Variants in RASAL2 observed in about 807,000 individuals in gnomAD.
RASAL2 encodes the protein ras GTPase-activating protein nGAP.
A neutral mutation model predicts 128.9 loss-of-function variants in RASAL2; 58 were observed. That is an observed-to-expected ratio of 0.45 (90% CI 0.36 to 0.56). The LOEUF (loss-of-function observed/expected upper bound fraction) is 0.56, where lower values mean the gene tolerates loss of function less well. Ranked by LOEUF, RASAL2 falls within the 20% of genes least tolerant of loss-of-function variation. The probability of loss-of-function intolerance (pLI) is 0.00; values close to 1 mark genes in which losing one functional copy is unlikely to be tolerated. For synonymous variants in RASAL2, 561 were observed against 580.8 expected (o/e 0.97, Z 0.49); for missense variants, 1,360 against 1,601.6 (o/e 0.85, Z 2.57).
intron 3 of RASAL2, among the ~76,000 whole-genome samples, chr1:178,377,320 A>G (rs1210654602): frequency 1.3e-5 from 2 of 152,158 alleles, no homozygotes; most frequent in African/African-American, 4.8e-5. Flanking sequence ...CAAAAATAAT[A>G]TAGAGACAAT....
chr1:178,207,525 A>T (rs1388382868), intron 1 of RASAL2, among the ~76,000 whole-genome samples: 1 of 152,200 alleles, frequency 6.6e-6, no homozygotes, highest in Non-Finnish European at 1.5e-5. Context: ...GAGCATCCTC[A>T]TATTTTGGTA....
intron 8 of RASAL2, among the ~76,000 whole-genome samples, chr1:178,445,142 GAAAA>G (rs59313065): frequency 7.9e-6 from 1 of 126,226 alleles, no homozygotes. Context: ...ACAGTATTTG[GAAAA>G]AAAAAAAAAA....
chr1:178,472,049 T>C (rs1281789789), intron 17 of RASAL2, among the ~76,000 whole-genome samples: 1 of 152,226 alleles, frequency 6.6e-6, no homozygotes, highest in African/African-American at 2.4e-5. Flanking sequence ...GTTTCCTGCG[T>C]TGTTTTCTGA....
intron 3 of RASAL2, among the ~76,000 whole-genome samples, chr1:178,365,151 A>T (rs1258786164): frequency 6.6e-6 from 1 of 152,098 alleles, no homozygotes; most frequent in Non-Finnish European, 1.5e-5. Flanking sequence ...TATGATGGGA[A>T]TACTTCTGAT....
At chr1:178,174,393 G>A (rs1457063628) in intron 1 of RASAL2, among the ~76,000 whole-genome samples, 2 of 151,894 alleles carry the variant, frequency 1.3e-5, no homozygotes, top group African/African-American at 4.8e-5. Flanking sequence ...TGGTAATACG[G>A]TTTCCACTCT....
intron 3 of RASAL2, among the ~76,000 whole-genome samples, chr1:178,331,302 G>T (rs928101560): frequency 6.6e-6 from 1 of 152,216 alleles, no homozygotes; most frequent in Admixed American, 6.5e-5. Context: ...CTCCTGAGTA[G>T]CTGGGAGCAC....
intron 3 of RASAL2, chr1:178,372,217 A>G (rs746024554): frequency 4.5e-5 from 44 of 985,112 alleles, no homozygotes; most frequent in South Asian, 9.4e-5. Context: ...TGTGCTCTGT[A>G]TGGAAAAGTT....
intron 1 of RASAL2, among the ~76,000 whole-genome samples, chr1:178,176,775 AGCT>A (rs1470271126): frequency 1.3e-5 from 2 of 152,038 alleles, no homozygotes; most frequent in African/African-American, 4.8e-5. Flanking sequence ...CCTCCTGAGT[AGCT>A]GAGACTACAG....
chr1:178,303,392 C>T (rs1667855083), intron 3 of RASAL2, among the ~76,000 whole-genome samples: 1 of 151,762 alleles, frequency 6.6e-6, no homozygotes, highest in African/African-American at 2.4e-5. Flanking sequence ...CTTTCCTGGG[C>T]CACATCAGAA....
At chr1:178,160,181 A>T (rs1315006315) in intron 1 of RASAL2, among the ~76,000 whole-genome samples, 1 of 152,056 alleles carries the variant, frequency 6.6e-6, no homozygotes, top group Non-Finnish European at 1.5e-5. Flanking sequence ...CAATAGAACT[A>T]GTACAAAAGA....
In RASAL2 at chr1:178,473,481, A is replaced by G; in HGVS notation, c.*242A>G. ...CTTAGTTCTGGGCCATGTACAGAAA[A>G]TATCACTGTAATATACCAAAAGGAA... On this transcript the variant is annotated 3_prime_UTR_variant, in exon 18 of 18. Transcript: ENST00000367649. 1.8e-6 allele frequency: 1 copy of G among 544,816 alleles called. No individual in the cohort carries two copies. Among genetic ancestry groups the G allele is most frequent in the Non-Finnish European group, 3.2e-6 (1 of 308,380 alleles). 33.7% of individuals were successfully genotyped at this position (544,816 alleles called of 1,614,324 possible).
At chr1:178,246,741 A>G (rs1664782977) in intron 1 of RASAL2, among the ~76,000 whole-genome samples, 1 of 152,170 alleles carries the variant, frequency 6.6e-6, no homozygotes, top group Non-Finnish European at 1.5e-5. Context: ...GATATGTTCC[A>G]TCAATACCTA....
intron 1 of RASAL2, among the ~76,000 whole-genome samples, chr1:178,192,283 A>G (rs1470168228): frequency 1.3e-5 from 2 of 152,212 alleles, no homozygotes; most frequent in South Asian, 2.1e-4. Flanking sequence ...ATATTTGATG[A>G]CAGTCTATTA....
chr1:178,175,630 C>A (rs1025677724), intron 1 of RASAL2, among the ~76,000 whole-genome samples: 2 of 151,026 alleles, frequency 1.3e-5, no homozygotes, highest in Admixed American at 1.3e-4. Flanking sequence ...TTTAGTGTAC[C>A]CATCACCCAA....
intron 9 of RASAL2, among the ~76,000 whole-genome samples, chr1:178,448,128 A>C (rs746167475): frequency 1.2e-4 from 19 of 152,066 alleles, no homozygotes; most frequent in Non-Finnish European, 2.9e-5. Context: ...TAGATCTTAG[A>C]GTGCACCTGG....
chr1:178,218,888 G>C (rs1158599970), intron 1 of RASAL2, among the ~76,000 whole-genome samples: 1 of 152,206 alleles, frequency 6.6e-6, no homozygotes, highest in African/African-American at 2.4e-5. Flanking sequence ...CCTATCCTTT[G>C]AAGCTTTTAA....
chr1:178,100,046 T>C (rs1658835114), intron 1 of RASAL2, among the ~76,000 whole-genome samples: 1 of 152,146 alleles, frequency 6.6e-6, no homozygotes, highest in South Asian at 2.1e-4. Context: ...CCAGAAAAGT[T>C]GCATACAGTC....
At chr1:178,255,405 G>A (rs1354471553) in intron 1 of RASAL2, among the ~76,000 whole-genome samples, 4 of 151,936 alleles carry the variant, frequency 2.6e-5, no homozygotes, top group Admixed American at 1.3e-4. Context: ...ATATAGAAAC[G>A]TAATATATCA....
intron 14 of RASAL2, among the ~76,000 whole-genome samples, chr1:178,462,241 C>T (rs1305179938): frequency 6.6e-6 from 1 of 152,022 alleles, no homozygotes; most frequent in Non-Finnish European, 1.5e-5. Flanking sequence ...TGAAAAGAAG[C>T]CTTTGGTGCC....
Sources: allele counts gnomAD v4.1 joint callset (sites outside exome capture counted in the v4.1 genomes callset), GRCh38; gene constraint gnomAD v4.1.1; transcripts MANE v1.5; gene names NCBI Gene and HGNC (gene_info 2026-07-23, HGNC 2026-07-21).